Variants in KCND2 observed in about 807,000 individuals in gnomAD.
KCND2 encodes the protein potassium voltage-gated channel subfamily D member 2, also known as A-type voltage-gated potassium channel KCND2.
Under a neutral mutation model 54.4 loss-of-function variants are expected in KCND2, and 16 were observed. That is an observed-to-expected ratio of 0.29 (90% CI 0.20 to 0.45). The LOEUF is 0.45. KCND2 is among the 20% of genes least tolerant of loss of function. The pLI is 1.00. For synonymous variants in KCND2, 317 were observed against 310.7 expected, an observed-to-expected ratio of 1.02 and a Z score of -0.21; for missense variants, 486 against 824.2, an observed-to-expected ratio of 0.59 and a Z score of 5.02.
chr7:120,444,729 CT>C (rs1482843383), intron 1 of KCND2, among the ~76,000 whole-genome samples: 1 of 152,014 alleles, frequency 6.6e-6, no homozygotes, highest in Non-Finnish European at 1.5e-5. Context: ...TTAATTTCAA[CT>C]TTTTAAGCAA....
At chr7:120,588,847 C>T (rs1392017716) in intron 1 of KCND2, among the ~76,000 whole-genome samples, 1 of 152,172 alleles carries the variant, frequency 6.6e-6, no homozygotes, top group African/African-American at 2.4e-5. Context: ...AGGCTTGGGA[C>T]ATAATTGTCC....
chr7:120,633,464 C>T (rs979049005), intron 1 of KCND2, among the ~76,000 whole-genome samples: 1 of 152,028 alleles, frequency 6.6e-6, no homozygotes, highest in African/African-American at 2.4e-5. Flanking sequence ...AAGCAATAAA[C>T]GTTTGAAAGA....
chr7:120,473,932 C>T (rs1802497295), intron 1 of KCND2, among the ~76,000 whole-genome samples: 1 of 152,146 alleles, frequency 6.6e-6, no homozygotes, highest in Non-Finnish European at 1.5e-5. Flanking sequence ...CAACTTAGGA[C>T]TTCAGGGTAG....
At chr7:120,306,154 C>T (rs1387637165) in intron 1 of KCND2, among the ~76,000 whole-genome samples, 1 of 152,048 alleles carries the variant, frequency 6.6e-6, no homozygotes, top group African/African-American at 2.4e-5. Context: ...CTTACCTTAT[C>T]ATCAGAAATC....
chr7:120,580,998 C>G (rs565979862), intron 1 of KCND2, among the ~76,000 whole-genome samples: 175 of 152,274 alleles, frequency 1.1e-3, no homozygotes, highest in Admixed American at 1.8e-3. Context: ...TTTAAGCCAC[C>G]TATTTTCAAA....
chr7:120,416,390 T>C (rs1801525694), intron 1 of KCND2, among the ~76,000 whole-genome samples: 3 of 152,178 alleles, frequency 2.0e-5, no homozygotes, highest in African/African-American at 7.2e-5. Flanking sequence ...AGCTATCATT[T>C]TTACATAGCT....
At chr7:120,627,069 A>G (rs1170918557) in intron 1 of KCND2, among the ~76,000 whole-genome samples, 3 of 152,206 alleles carry the variant, frequency 2.0e-5, no homozygotes, top group African/African-American at 4.8e-5. Flanking sequence ...CCAAGAGGCT[A>G]TTGTATTTCA....
At chr7:120,511,398 A>G (rs1049165045) in intron 1 of KCND2, among the ~76,000 whole-genome samples, 1 of 152,120 alleles carries the variant, frequency 6.6e-6, no homozygotes, top group Admixed American at 6.6e-5. Flanking sequence ...GAGGACAGAG[A>G]CTGGTTTTGT....
intron 1 of KCND2, among the ~76,000 whole-genome samples, chr7:120,443,348 TAATA>T (rs1003390802): frequency 2.4e-5 from 3 of 126,212 alleles, no homozygotes; most frequent in African/African-American, 7.2e-5. Flanking sequence ...GAAATAACAA[TAATA>T]AATAATAATA....
At chr7:120,378,859 A>C (rs1800873216) in intron 1 of KCND2, among the ~76,000 whole-genome samples, 1 of 152,040 alleles carries the variant, frequency 6.6e-6, no homozygotes, top group Non-Finnish European at 1.5e-5. Flanking sequence ...GAGGGTGATA[A>C]AATCTTAGTT....
chr7:120,538,452 A>G (rs1344875915), intron 1 of KCND2, among the ~76,000 whole-genome samples: 1 of 152,200 alleles, frequency 6.6e-6, no homozygotes, highest in Non-Finnish European at 1.5e-5. Flanking sequence ...CACCTATACC[A>G]CAGGCCACTG....
At chr7:120,604,014 A>G (rs1792847308) in intron 1 of KCND2, among the ~76,000 whole-genome samples, 1 of 152,160 alleles carries the variant, frequency 6.6e-6, no homozygotes, top group Non-Finnish European at 1.5e-5. Flanking sequence ...TTTAAGCCTC[A>G]GTTTCCTTAG....
chr7:120,719,586 C>T (rs1392772491), intron 1 of KCND2, among the ~76,000 whole-genome samples: 1 of 152,002 alleles, frequency 6.6e-6, no homozygotes, highest in African/African-American at 2.4e-5. Context: ...TTATAATCTC[C>T]TTTAAACACA....
intron 1 of KCND2, among the ~76,000 whole-genome samples, chr7:120,491,064 G>A (rs1405093459): frequency 6.6e-6 from 1 of 152,054 alleles, no homozygotes; most frequent in African/African-American, 2.4e-5. Context: ...GAGAAATCCT[G>A]CCACCCATGC....
At chr7:120,610,915 C>T (rs1792946120) in intron 1 of KCND2, among the ~76,000 whole-genome samples, 1 of 152,128 alleles carries the variant, frequency 6.6e-6, no homozygotes. Flanking sequence ...GTTCTCTTCA[C>T]CCACTTGGCT....
At position 120,275,100 on chromosome 7, in the gene KCND2, C is replaced by T. The variant is rs149119940; in HGVS notation, c.468C>T (p.Thr156=). The change falls in exon 1 of 6, where the codon ACC becomes ACT. Residue 156 remains threonine, a synonymous_variant. Transcript: ENST00000331113. ...TGCAGGACGACGCGGATACCGACACCGCTGGGGAGAGCGCCTTGCCCACCA... is the reference window on the plus strand; with the variant it reads ...TGCAGGACGACGCGGATACCGACACTGCTGGGGAGAGCGCCTTGCCCACCA... ...ERLQDDADTD[T]AGESALPTMT... is the part of the protein sequence containing the mutation. The T allele has an allele frequency of 1.2e-5, 19 of 1,613,644 alleles. No individual in the cohort carries two copies. Among genetic ancestry groups the T allele is most frequent in the Non-Finnish European group, 1.5e-5 (18 of 1,179,906 alleles).
intron 1 of KCND2, among the ~76,000 whole-genome samples, chr7:120,590,364 A>T (rs954753388): frequency 2.0e-5 from 3 of 152,028 alleles, no homozygotes; most frequent in African/African-American, 7.2e-5. Context: ...TCTCCCTTTG[A>T]TCAGTCATAA....
At chr7:120,674,174 G>T (rs1365523455) in intron 1 of KCND2, among the ~76,000 whole-genome samples, 1 of 152,084 alleles carries the variant, frequency 6.6e-6, no homozygotes, top group Non-Finnish European at 1.5e-5. Flanking sequence ...CAAGTGCAGG[G>T]ATTACAGGCA....
intron 1 of KCND2, among the ~76,000 whole-genome samples, chr7:120,706,592 A>G (rs1792471642): frequency 6.6e-6 from 1 of 152,176 alleles, no homozygotes; most frequent in African/African-American, 2.4e-5. Flanking sequence ...TCCTCTTTTA[A>G]TGCTATCACA....
Sources: allele counts gnomAD v4.1 joint callset (sites outside exome capture counted in the v4.1 genomes callset), GRCh38; gene constraint gnomAD v4.1.1; transcripts MANE v1.5; gene names NCBI Gene and HGNC (gene_info 2026-07-23, HGNC 2026-07-21).